CDKN2B-AS1: variants seen among roughly 807,000 people sequenced by gnomAD.
CDKN2B-AS1 encodes the protein CDKN2B antisense RNA 1 (non-protein coding).
chr9:21,999,329 GTATGT>G lies in CDKN2B-AS1; in HGVS notation n.29+4172_29+4176del, dbSNP rs572101477. On this transcript the variant is annotated intron_variant and non_coding_transcript_variant, in intron 1 of 4. Coordinates refer to ENST00000650946, the Ensembl canonical transcript of CDKN2B-AS1. The surrounding 1 kb of genome is among the most constrained non-coding windows in gnomAD (Gnocchi z 4.7). ...ACTATATAGTATATATAGTTCATAT[GTATGT>G]TATATGTTTGTGTATATATCTATAT... Among the ~76,000 whole-genome samples the G allele has an allele frequency of 9.5e-4, 143 of 150,948 alleles. No homozygotes were observed. The highest frequency in any genetic ancestry group is 2.8e-3 in the African/African-American group (114 of 41,236).
intron 4 of CDKN2B-AS1, chr9:22,092,571 A>C (rs1825129755): frequency 6.6e-6 from 1 of 152,142 alleles, no homozygotes; most frequent in Non-Finnish European, 1.5e-5. Flanking sequence ...TGTGTCGAGG[A>C]ATTTATCCAT....
At chr9:22,012,167 G>T in intron 1 of CDKN2B-AS1, 1 of 1,350,426 alleles carries the variant, frequency 7.4e-7, no homozygotes, top group Non-Finnish European at 1.1e-6. Context: ...GCAGATCTTT[G>T]TGAAGACCCT....
chr9:22,009,327 T>G, intron 1 of CDKN2B-AS1: 2 of 404,674 alleles, frequency 4.9e-6, no homozygotes, highest in Non-Finnish European at 4.5e-6. Flanking sequence ...CGGCAAAGAA[T>G]TCCGTTTTCA....
chr9:22,051,458 A>G (rs1823342658), intron 3 of CDKN2B-AS1, among the ~76,000 whole-genome samples: 1 of 152,224 alleles, frequency 6.6e-6, no homozygotes, highest in South Asian at 2.1e-4. Flanking sequence ...TGATGATTTC[A>G]TAAACCCCAG....
chr9:22,073,618 A>G (rs967367463), intron 4 of CDKN2B-AS1, among the ~76,000 whole-genome samples: 4 of 152,122 alleles, frequency 2.6e-5, no homozygotes, highest in African/African-American at 9.7e-5. Flanking sequence ...CCTTAGTTTT[A>G]TTTGATATGA....
At chr9:22,049,655 C>A (rs1823259102) in intron 3 of CDKN2B-AS1, among the ~76,000 whole-genome samples, 1 of 152,122 alleles carries the variant, frequency 6.6e-6, no homozygotes, top group African/African-American at 2.4e-5. Flanking sequence ...CTTCAGAGAG[C>A]TGGGATGACT....
At chr9:21,998,347 C>G (rs566428100) in intron 1 of CDKN2B-AS1, among the ~76,000 whole-genome samples, 3 of 152,178 alleles carry the variant, frequency 2.0e-5, no homozygotes, top group Non-Finnish European at 4.4e-5. Flanking sequence ...CTTATTTTAT[C>G]CTCACAGTGG....
intron 4 of CDKN2B-AS1, among the ~76,000 whole-genome samples, chr9:22,077,458 ATACT>A (rs367912666): frequency 5.8e-4 from 88 of 152,342 alleles, no homozygotes; most frequent in African/African-American, 2.1e-3. Context: ...TGCTCTCAAC[ATACT>A]TAAAGTTTTC....
intron 1 of CDKN2B-AS1, among the ~76,000 whole-genome samples, chr9:22,011,795 C>T (rs1003674145): frequency 3.3e-5 from 5 of 152,252 alleles, no homozygotes; most frequent in Middle Eastern, 3.4e-3. Context: ...CCAGCTGTCT[C>T]TAGGGTGAAA....
chr9:22,062,778 T>G (rs1044979351), intron 4 of CDKN2B-AS1, among the ~76,000 whole-genome samples: 1 of 151,992 alleles, frequency 6.6e-6, no homozygotes, highest in Non-Finnish European at 1.5e-5. Context: ...TTTCTCAGCT[T>G]TAGTTTCCTT....
rs1823162357 is a variant in CDKN2B-AS1, at chr9:22,047,618, ATTC to A, written n.179+723_179+725del. On this transcript the variant is annotated intron_variant and non_coding_transcript_variant, in intron 2 of 4. Transcript: ENST00000650946. ...TTATAGCTCATTTATACTGTACAAA[ATTC>A]TTCTGTCATTTTATGAAGATGTTAC... Among the ~76,000 whole-genome samples, 3 of 152,150 alleles carry A rather than the reference ATTC, an allele frequency of 2.0e-5. No homozygotes were observed. In the South Asian group the frequency reaches 6.2e-4, roughly 32 times the overall value.
chr9:22,041,009 C>A (rs1404838182), intron 1 of CDKN2B-AS1, among the ~76,000 whole-genome samples: 1 of 152,004 alleles, frequency 6.6e-6, no homozygotes, highest in East Asian at 1.9e-4. Context: ...GATTTGATTT[C>A]TCTGACTTTT....
chr9:22,057,346 A>C (rs1020772884), intron 4 of CDKN2B-AS1, among the ~76,000 whole-genome samples: 2 of 152,152 alleles, frequency 1.3e-5, no homozygotes, highest in Non-Finnish European at 2.9e-5. Context: ...CTGTATATCT[A>C]TTATATAGTG....
At chr9:22,109,944 G>A (rs1326821967) in intron 4 of CDKN2B-AS1, among the ~76,000 whole-genome samples, 1 of 152,018 alleles carries the variant, frequency 6.6e-6, no homozygotes, top group South Asian at 2.1e-4. Flanking sequence ...GATCCTTTCT[G>A]CAGCTTCCAT....
Position 22,001,620 on chromosome 9 carries a change from A to T in CDKN2B-AS1, n.29+6459A>T, listed in dbSNP as rs534597016. On this transcript the variant is annotated intron_variant and non_coding_transcript_variant, in intron 1 of 4. Transcript: ENST00000650946. The surrounding 1 kb of genome is among the most constrained non-coding windows in gnomAD (Gnocchi z 4.2). The stretch of plus-strand genomic sequence containing the variant: ...GTATTAGTTCATATTTTCTTTTATT[A>T]TGTAATTAATAGGGCCTATATGTGA... 3.3e-5 allele frequency among the ~76,000 whole-genome samples: 5 copies of T among 152,212 alleles called. No individual in the cohort carries two copies. The East Asian group carries it at 9.7e-4, about 29-fold the overall frequency.
At chr9:22,104,114 A>C (rs1220364719) in intron 4 of CDKN2B-AS1, among the ~76,000 whole-genome samples, 1 of 152,238 alleles carries the variant, frequency 6.6e-6, no homozygotes, top group Non-Finnish European at 1.5e-5. Flanking sequence ...CATGAGGCAG[A>C]AGGCAAATTA....
chr9:22,009,421 C>A, intron 1 of CDKN2B-AS1: 1 of 289,800 alleles, frequency 3.5e-6, no homozygotes, highest in Non-Finnish European at 6.6e-6. Flanking sequence ...AGGCCCGGGC[C>A]GACGCGTCAC....
At chr9:22,007,841 T>C (rs1177999368) in intron 1 of CDKN2B-AS1, among the ~76,000 whole-genome samples, 5 of 152,178 alleles carry the variant, frequency 3.3e-5, no homozygotes, top group Admixed American at 1.3e-4. Flanking sequence ...CTTTACAATA[T>C]TTTTGCTCCT....
chr9:22,055,439 A>G (rs765361950), intron 3 of CDKN2B-AS1, among the ~76,000 whole-genome samples: 1 of 152,230 alleles, frequency 6.6e-6, no homozygotes, highest in South Asian at 2.1e-4. Context: ...CTTAATGAAG[A>G]TCTGGGAGAA....
Sources: gnomAD v4.1 joint callset for allele counts (sites outside exome capture counted in the v4.1 genomes callset) on GRCh38, gnomAD v4.1.1 for gene constraint, Gnocchi (gnomAD v3.1) non-coding constraint, MANE v1.5 for transcripts, NCBI Gene and HGNC (gene_info 2026-07-23, HGNC 2026-07-21) for gene names.